Variants in CREB5 observed in about 807,000 individuals in gnomAD.
CREB5 encodes cAMP responsive element binding protein 5.
A neutral mutation model predicts 57.1 loss-of-function variants in CREB5; 19 were observed. That is an observed-to-expected ratio of 0.33 (90% CI 0.23 to 0.49). The LOEUF (loss-of-function observed/expected upper bound fraction) is 0.49. Among genes scored for constraint, CREB5 ranks in the 20% least tolerant of loss-of-function variants. CREB5 has a pLI of 0.99. For synonymous variants in CREB5, 238 were observed against 238.3 expected, an observed-to-expected ratio of 1.00 and a Z score of 0.01; for missense variants, 579 against 671.6, an observed-to-expected ratio of 0.86 and a Z score of 1.52.
chr7:28,783,687 G>C (rs946005710), intron 7 of CREB5, among the ~76,000 whole-genome samples: 8 of 152,136 alleles, frequency 5.3e-5, no homozygotes, highest in African/African-American at 1.9e-4. Context: ...GGGGCCTTGG[G>C]GGGAGACCTT....
intron 4 of CREB5, among the ~76,000 whole-genome samples, chr7:28,513,105 C>A (rs1230656709): frequency 2.6e-5 from 4 of 152,178 alleles, no homozygotes; most frequent in Non-Finnish European, 5.9e-5. Flanking sequence ...CCGATGCCAC[C>A]CATTACTTGG....
At position 28,821,126 on chromosome 7, in the gene CREB5, A is replaced by ATGTGTGTGTGTGTGTGTGTG. The variant is rs35688232; in HGVS notation, c.*1861_*1880dup. The ATGTGTGTGTGTGTGTGTGTG allele has an allele frequency of 1.4e-5, 2 of 146,342 alleles. No individual in the cohort carries two copies. The highest frequency in any genetic ancestry group is 5.1e-5 in the African/African-American group (2 of 39,358). The allele number at this position is 146,342 out of a possible 1,614,324, so 9.1% of individuals were successfully genotyped here. ...CTCCATTTGAATGCTTGACCTCTTAATGTGTGTGTGTGTGTGTGTGTGTGT... is the reference window on the plus strand; with the variant it reads ...CTCCATTTGAATGCTTGACCTCTTAATGTGTGTGTGTGTGTGTGTGTGTGTGTGTGTGTGTGTGTGTGTGT... On this transcript the variant is annotated 3_prime_UTR_variant, in exon 11 of 11. Transcript: ENST00000357727.
At chr7:28,670,197 T>A (rs889602934) in intron 5 of CREB5, among the ~76,000 whole-genome samples, 1 of 152,222 alleles carries the variant, frequency 6.6e-6, no homozygotes, top group African/African-American at 2.4e-5. Flanking sequence ...AAGTTTAATT[T>A]GTAAATTAGG....
At chr7:28,442,076 A>T (rs1789211987) in intron 1 of CREB5, among the ~76,000 whole-genome samples, 1 of 151,896 alleles carries the variant, frequency 6.6e-6, no homozygotes. Context: ...CACCTCTCCC[A>T]CTGTCCTCTC....
intron 7 of CREB5, among the ~76,000 whole-genome samples, chr7:28,770,220 A>C (rs1219297794): frequency 6.6e-6 from 1 of 152,222 alleles, no homozygotes; most frequent in African/African-American, 2.4e-5. Flanking sequence ...TTCAGCTTCA[A>C]CTTGGTCTGT....
At chr7:28,658,953 G>GTATATATATATATATATATGTGTATA (rs1554281549) in intron 5 of CREB5, among the ~76,000 whole-genome samples, 34 of 99,602 alleles carry the variant, frequency 3.4e-4, no homozygotes, top group African/African-American at 1.0e-3. Flanking sequence ...GTGTGTGTGT[G>GTATATATATATATATATATGTGTATA]TATATATATA....
At chr7:28,402,119 T>C (rs897725496) in intron 1 of CREB5, among the ~76,000 whole-genome samples, 8 of 152,310 alleles carry the variant, frequency 5.3e-5, no homozygotes, top group African/African-American at 1.7e-4. Context: ...TGGTGTGAGA[T>C]GGTATCTCAT....
At chr7:28,306,736 A>AT (rs1472542268) in intron 1 of CREB5, among the ~76,000 whole-genome samples, 1 of 151,370 alleles carries the variant, frequency 6.6e-6, no homozygotes, top group African/African-American at 2.4e-5. Flanking sequence ...AATTTTTTGT[A>AT]TTTTTTAGTA....
chr7:28,346,835 C>CAGTGGATTTACCGCA (rs138391533), intron 1 of CREB5, among the ~76,000 whole-genome samples: 2 of 151,948 alleles, frequency 1.3e-5, no homozygotes, highest in Non-Finnish European at 2.9e-5. Flanking sequence ...ACATCCACCA[C>CAGTGGATTTACCGCA]AGCTACAACT....
chr7:28,544,587 C>T (rs13234647), intron 4 of CREB5, among the ~76,000 whole-genome samples: 23,077 of 152,072 alleles, frequency 0.15, 2,043 homozygotes, highest in East Asian at 0.3. Flanking sequence ...TTTTTTAAGG[C>T]AGTAACATAT....
chr7:28,615,432 G>T (rs2128680810), intron 5 of CREB5: 1 of 152,484 alleles, frequency 6.6e-6, no homozygotes, highest in Non-Finnish European at 1.5e-5. Context: ...CCTTTCAAGG[G>T]ACCACTTAGG....
chr7:28,811,996 T>C (rs1809147447), intron 9 of CREB5, among the ~76,000 whole-genome samples: 1 of 152,228 alleles, frequency 6.6e-6, no homozygotes, highest in African/African-American at 2.4e-5. Flanking sequence ...TTCTTTGTTG[T>C]GCCCTGTGCA....
chr7:28,325,121 T>A (rs909611495), intron 1 of CREB5, among the ~76,000 whole-genome samples: 2 of 152,132 alleles, frequency 1.3e-5, no homozygotes, highest in Admixed American at 6.6e-5. Context: ...ACTTATACAC[T>A]TATAGTCCTT....
At chr7:28,410,185 G>C (rs1258580658), upstream of CREB5, 1 of 448,570 alleles carries the variant, frequency 2.2e-6, no homozygotes. Context: ...GGTCGCCCTC[G>C]GAGGGCGCTT....
chr7:28,708,188 T>A (rs1465479004), intron 5 of CREB5, among the ~76,000 whole-genome samples: 1 of 152,238 alleles, frequency 6.6e-6, no homozygotes, highest in African/African-American at 2.4e-5. Context: ...CTTGTTCATG[T>A]TTCCTTGGAG....
intron 1 of CREB5, among the ~76,000 whole-genome samples, chr7:28,331,788 G>A (rs1344953882): frequency 1.3e-5 from 2 of 149,148 alleles, no homozygotes; most frequent in African/African-American, 5.0e-5. Flanking sequence ...GGTGGAGGTT[G>A]CAGTCAGGCG....
intron 5 of CREB5, among the ~76,000 whole-genome samples, chr7:28,628,177 C>T (rs1289587978): frequency 6.6e-6 from 1 of 151,864 alleles, no homozygotes; most frequent in Non-Finnish European, 1.5e-5. Context: ...AGGAATGGCT[C>T]TCATATCTCT....
At chr7:28,622,684 T>C (rs1240406561) in intron 5 of CREB5, among the ~76,000 whole-genome samples, 1 of 152,088 alleles carries the variant, frequency 6.6e-6, no homozygotes, top group East Asian at 1.9e-4. Flanking sequence ...GACTTATTTA[T>C]GGGCACACAA....
At chr7:28,525,037 A>T (rs1793388051) in intron 4 of CREB5, among the ~76,000 whole-genome samples, 1 of 138,610 alleles carries the variant, frequency 7.2e-6, no homozygotes, top group African/African-American at 2.7e-5. Context: ...TACCTTCATG[A>T]GATAAACATT....
Sources: allele counts gnomAD v4.1 joint callset (sites outside exome capture counted in the v4.1 genomes callset), GRCh38; gene constraint gnomAD v4.1.1; transcripts MANE v1.5; gene names NCBI Gene and HGNC (gene_info 2026-07-23, HGNC 2026-07-21).